The following PTBP3 variants were observed in gnomAD, a reference collection of about 807,000 sequenced individuals.
PTBP3 encodes the protein polypyrimidine tract-binding protein 3.
In PTBP3, 20 loss-of-function variants were observed where a neutral mutation model predicts 58.7. The observed-to-expected ratio is 0.34, with a 90% confidence interval of 0.24 to 0.50. PTBP3 has a LOEUF of 0.50. PTBP3 is among the 20% of genes least tolerant of loss of function. The probability of loss-of-function intolerance (pLI) is 0.98; values close to 1 mark genes in which losing one functional copy is unlikely to be tolerated. For synonymous variants in PTBP3, 185 were observed against 219.8 expected (o/e 0.84, Z 1.40); for missense variants, 509 against 637.2 (o/e 0.80, Z 2.17).
Position 112,224,199 on chromosome 9 carries a change from G to A in PTBP3, c.1376C>T (p.Thr459Ile). ...GAAAAGGTTCTTCAGATCATCCACTGTAACAGAAGGGCTGTGAAAACATCA... is the reference window on the plus strand; with the variant it reads ...GAAAAGGTTCTTCAGATCATCCACTATAACAGAAGGGCTGTGAAAACATCA... ...LHLSNIPPSV[T>I]VDDLKNLFIE... Residue 459 changes from threonine to isoleucine, a missense_variant, in exon 13 of 14, where the codon ACA becomes ATA. Physicochemically the swap from Thr to Ile is moderately conservative, Grantham distance 89. Around this residue, in one of 4 missense-constraint regions of PTBP3, gnomAD observed 135 missense variants for 229.0 expected, o/e 0.59. Transcript: ENST00000374257. 6.5e-7 allele frequency: 1 copy of A among 1,546,124 alleles called. No individual in the cohort carries two copies. The highest frequency in any genetic ancestry group is 8.7e-7 in the Non-Finnish European group (1 of 1,154,018).
At chr9:112,268,792 TTC>T (rs1220094000) in intron 3 of PTBP3, among the ~76,000 whole-genome samples, 5 of 152,162 alleles carry the variant, frequency 3.3e-5, no homozygotes, top group African/African-American at 9.7e-5. Flanking sequence ...TTCCTTTTAT[TTC>T]TGTTTCTTTT....
the PTBP3 span, among the ~76,000 whole-genome samples, chr9:112,353,967 A>G: frequency 6.6e-6 from 1 of 151,044 alleles, no homozygotes; most frequent in East Asian, 2.0e-4. Flanking sequence ...TTAAAAAAAA[A>G]ATATATATAG....
At chr9:112,321,024 C>CA (rs1829925314) in intron 1 of PTBP3, among the ~76,000 whole-genome samples, 1 of 151,962 alleles carries the variant, frequency 6.6e-6, no homozygotes, top group South Asian at 2.1e-4. Context: ...TTAAATGTAT[C>CA]AAAATTAAAT....
chr9:112,341,629 A>G, the PTBP3 span, among the ~76,000 whole-genome samples: 76 of 151,636 alleles, frequency 5.0e-4, no homozygotes, highest in African/African-American at 1.7e-3. Flanking sequence ...TGCGTTATTG[A>G]TTTTTTTTGT....
intron 5 of PTBP3, among the ~76,000 whole-genome samples, chr9:112,260,412 C>T (rs1041220430): frequency 6.6e-6 from 1 of 152,200 alleles, no homozygotes; most frequent in African/African-American, 2.4e-5. Flanking sequence ...GACCCTGTAT[C>T]TGTAACTGCT....
intron 1 of PTBP3, among the ~76,000 whole-genome samples, chr9:112,306,251 A>T (rs1350382465): frequency 6.6e-6 from 1 of 151,876 alleles, no homozygotes; most frequent in Non-Finnish European, 1.5e-5. Context: ...TGCAGCCTCA[A>T]CCTCCTAGGC....
chr9:112,286,988 T>C (rs1828149010), intron 2 of PTBP3, among the ~76,000 whole-genome samples: 1 of 152,194 alleles, frequency 6.6e-6, no homozygotes, highest in Admixed American at 6.5e-5. Flanking sequence ...CTAATCTTTA[T>C]TCTTTTGAAG....
Position 112,303,442 on chromosome 9 carries a change from A to T in PTBP3, c.-51-5526T>A, listed in dbSNP as rs74427265. 9.5e-3 allele frequency among the ~76,000 whole-genome samples: 1,442 copies of T among 152,312 alleles called. 29 individuals are homozygous for T. The highest frequency in any genetic ancestry group is 0.033 in the African/African-American group (1,370 of 41,566). ...ATATGTACACAAAGTTAGTTCTCAG[A>T]TACCTTGAGGTCTCTTATTTGTGCC... On this transcript the variant is annotated intron_variant, in intron 1 of 13. Transcript: ENST00000374257.
chr9:112,350,000 G>C, the PTBP3 span, among the ~76,000 whole-genome samples: 1 of 151,412 alleles, frequency 6.6e-6, no homozygotes, highest in South Asian at 2.1e-4. Context: ...TGTGTTTTAT[G>C]AAAGTGTAGA....
intron 7 of PTBP3, among the ~76,000 whole-genome samples, chr9:112,247,917 T>G (rs988200079): frequency 6.6e-6 from 1 of 152,016 alleles, no homozygotes; most frequent in Non-Finnish European, 1.5e-5. Flanking sequence ...TACACAAATA[T>G]AGGTAGTGTA....
In PTBP3 at chr9:112,234,624, A is replaced by C. The variant is rs534224599; in HGVS notation, c.880+196T>G. Among the ~76,000 whole-genome samples, 15 of 152,350 alleles carry C rather than the reference A, an allele frequency of 9.8e-5. No homozygotes were observed. The South Asian group carries it at 3.1e-3, about 32-fold the overall frequency. On this transcript the variant is annotated intron_variant, in intron 8 of 13. Transcript: ENST00000374257. ...GAACACATACTGATTACTGGAATTAAAAATAGGACCAGAGAGAATAATTTG... is the reference window on the plus strand; with the variant it reads ...GAACACATACTGATTACTGGAATTACAAATAGGACCAGAGAGAATAATTTG...
At chr9:112,228,170 G>A (rs944546979) in intron 11 of PTBP3, among the ~76,000 whole-genome samples, 3 of 152,094 alleles carry the variant, frequency 2.0e-5, no homozygotes. Context: ...TTAACAATAT[G>A]TTCACGTAGA....
chr9:112,264,780 C>G (rs1045642614), intron 4 of PTBP3, among the ~76,000 whole-genome samples: 2 of 152,156 alleles, frequency 1.3e-5, no homozygotes, highest in Admixed American at 6.5e-5. Context: ...TCAGAATAAA[C>G]TAGGTCATTT....
chr9:112,352,763 C>T, the PTBP3 span, among the ~76,000 whole-genome samples: 2 of 152,186 alleles, frequency 1.3e-5, no homozygotes, highest in Non-Finnish European at 2.9e-5. Flanking sequence ...AGTTATTCTT[C>T]ACAGTCTGTA....
chr9:112,278,407 A>T (rs944882858), intron 2 of PTBP3, among the ~76,000 whole-genome samples: 8 of 152,220 alleles, frequency 5.3e-5, no homozygotes, highest in African/African-American at 1.9e-4. Flanking sequence ...CTCAACCAGC[A>T]TAAGGAGTTA....
chr9:112,370,986 A>C, the PTBP3 span, among the ~76,000 whole-genome samples: 3 of 152,088 alleles, frequency 2.0e-5, no homozygotes, highest in Admixed American at 1.3e-4. Flanking sequence ...AACCTTAGTA[A>C]ATTCATTTAT....
chr9:112,229,563 T>C, intron 10 of PTBP3, among the ~76,000 whole-genome samples: 1 of 50,832 alleles, frequency 2.0e-5, no homozygotes, highest in South Asian at 8.0e-4. Flanking sequence ...AGACCCTGTC[T>C]CAAAAAAAAA....
At chr9:112,224,428 G>C (rs987858771) in intron 12 of PTBP3, among the ~76,000 whole-genome samples, 6 of 152,170 alleles carry the variant, frequency 3.9e-5, no homozygotes, top group African/African-American at 1.4e-4. Flanking sequence ...GACATGTGCA[G>C]GTATATAAAG....
chr9:112,361,404 T>G, the PTBP3 span, among the ~76,000 whole-genome samples: 1 of 152,128 alleles, frequency 6.6e-6, no homozygotes. Context: ...CAGCCTAAAC[T>G]TCATAGACTT....
Sources: gnomAD v4.1 joint callset for allele counts (sites outside exome capture counted in the v4.1 genomes callset) on GRCh38, gnomAD v4.1.1 for gene constraint, gnomAD v4.1.1 regional missense constraint, MANE v1.5 for transcripts, NCBI Gene and HGNC (gene_info 2026-07-23, HGNC 2026-07-21) for gene names.